Variants in MLLT10 observed in about 807,000 individuals in gnomAD.
MLLT10 encodes MLLT10 histone lysine methyltransferase DOT1L cofactor, also known as protein AF-10.
MLLT10 carries 30 observed loss-of-function variants against 129.1 expected under a neutral mutation model. The ratio of observed to expected loss-of-function variants is 0.23; its 90% CI spans 0.17 to 0.32. MLLT10 has a LOEUF of 0.32. Among genes scored for constraint, MLLT10 ranks in the 10% least tolerant of loss-of-function variants. The pLI is 1.00. For missense variants in MLLT10, 1,119 were observed against 1,268.3 expected (o/e 0.88, Z 1.79); for synonymous variants, 490 against 446.4 (o/e 1.10, Z -1.23).
At chr10:21,632,697 TC>T (rs1469100856) in intron 8 of MLLT10, among the ~76,000 whole-genome samples, 2 of 152,212 alleles carry the variant, frequency 1.3e-5, no homozygotes, top group African/African-American at 4.8e-5. Flanking sequence ...TTAAAACTTT[TC>T]TGCTCCTTTC....
chr10:21,627,597 G>A (rs1382391556), intron 8 of MLLT10, among the ~76,000 whole-genome samples: 1 of 152,080 alleles, frequency 6.6e-6, no homozygotes, highest in Non-Finnish European at 1.5e-5. Context: ...GTTATCTGAG[G>A]TATTGCCTTC....
chr10:21,704,329 T>TTCTCTCTCTC (rs1198146694), intron 13 of MLLT10, among the ~76,000 whole-genome samples: 216 of 121,030 alleles, frequency 1.8e-3, no homozygotes, highest in Non-Finnish European at 2.8e-3. Context: ...TCTTTTTAAA[T>TTCTCTCTCTC]TCTCTCTCTC....
intron 5 of MLLT10, among the ~76,000 whole-genome samples, chr10:21,610,669 T>TG (rs1289165084): frequency 1.3e-5 from 2 of 151,466 alleles, no homozygotes; most frequent in East Asian, 3.9e-4. Flanking sequence ...TTTTATGGGA[T>TG]GGTTAAGTAA....
intron 8 of MLLT10, among the ~76,000 whole-genome samples, chr10:21,640,013 C>T (rs1164243904): frequency 1.3e-5 from 2 of 151,538 alleles, no homozygotes; most frequent in Non-Finnish European, 2.9e-5. Context: ...GTTACTCTGC[C>T]GCTGTTCTGA....
chr10:21,688,611 C>G (rs2053527793), intron 13 of MLLT10: 1 of 1,301,758 alleles, frequency 7.7e-7, no homozygotes, highest in South Asian at 1.3e-5. Context: ...TGGAAACCTT[C>G]CCATACAAAC....
intron 8 of MLLT10, chr10:21,626,295 G>T (rs1364707567): frequency 3.1e-6 from 4 of 1,304,860 alleles, no homozygotes; most frequent in Non-Finnish European, 4.4e-6. Flanking sequence ...CCAGGGCAGA[G>T]CAGGGGCTGG....
chr10:21,535,405 T>C (rs2033775997), intron 2 of MLLT10, among the ~76,000 whole-genome samples: 1 of 152,080 alleles, frequency 6.6e-6, no homozygotes, highest in Admixed American at 6.5e-5. Context: ...GGTAGCTGTC[T>C]GCGGAGGAGA....
chr10:21,695,125 A>C (rs962853273), intron 13 of MLLT10, among the ~76,000 whole-genome samples: 1 of 139,606 alleles, frequency 7.2e-6, no homozygotes, highest in Non-Finnish European at 1.5e-5. Context: ...GCTGGAGTGC[A>C]GTGGTCTGAT....
chr10:21,647,937 T>G (rs2048659203), intron 8 of MLLT10, among the ~76,000 whole-genome samples: 1 of 152,124 alleles, frequency 6.6e-6, no homozygotes, highest in Non-Finnish European at 1.5e-5. Context: ...AGTCAGATAC[T>G]TTAAAAATAC....
chr10:21,698,489 A>G (rs1589700971), intron 13 of MLLT10, among the ~76,000 whole-genome samples: 1 of 152,308 alleles, frequency 6.6e-6, no homozygotes, highest in African/African-American at 2.4e-5. Context: ...ACTGAGGTTG[A>G]TTCCATATCT....
chr10:21,712,284 G>T (rs939746695), intron 13 of MLLT10, among the ~76,000 whole-genome samples: 14 of 151,780 alleles, frequency 9.2e-5, no homozygotes, highest in African/African-American at 3.4e-4. Context: ...TCACGGCATG[G>T]TTCACTACAA....
rs566112251 is a variant in MLLT10 at position 21,607,904 on chromosome 10, T to C, written c.406-4444T>C. ...CCTTTAGTATTTCTTTTTTGTCACA[T>C]CTGGAGCAAGAAAATCTCTAAATTT... On this transcript the variant is annotated intron_variant, in intron 5 of 22. Transcript: ENST00000307729. Among the ~76,000 whole-genome samples the C allele has an allele frequency of 3.6e-3, 554 of 152,244 alleles. 2 individuals are homozygous for C. Among genetic ancestry groups the C allele is most frequent in the Non-Finnish European group, 5.9e-3 (403 of 68,004 alleles).
At position 21,679,102 on chromosome 10, in the gene MLLT10, A is replaced by G. The variant is rs541851952; in HGVS notation, c.1622-2230A>G. 2.3e-3 allele frequency among the ~76,000 whole-genome samples: 355 copies of G among 152,364 alleles called. 1 individual carries two copies. Among genetic ancestry groups the G allele is most frequent in the African/African-American group, 8.4e-3 (351 of 41,580 alleles). ...AAAACACCTATAAAATGTTTGATTC[A>G]GAGTTCAGATTCTAAAATTTGTATT... On this transcript the variant is annotated intron_variant, in intron 11 of 22. Transcript: ENST00000307729.
intron 4 of MLLT10, among the ~76,000 whole-genome samples, chr10:21,586,808 A>G (rs2042028067): frequency 6.6e-6 from 1 of 151,904 alleles, no homozygotes; most frequent in African/African-American, 2.4e-5. Flanking sequence ...AATCGCTTGA[A>G]CTTGGGAGGC....
intron 3 of MLLT10, among the ~76,000 whole-genome samples, chr10:21,580,868 ATTTTTTTTTTT>A (rs71393910): frequency 1.4e-5 from 1 of 73,298 alleles, no homozygotes. Flanking sequence ...CGCCCAGCTC[ATTTTTTTTTTT>A]TTTTTTTTTT....
At chr10:21,664,199 T>C (rs1479025384) in intron 9 of MLLT10, among the ~76,000 whole-genome samples, 1 of 152,176 alleles carries the variant, frequency 6.6e-6, no homozygotes, top group Non-Finnish European at 1.5e-5. Flanking sequence ...TGATTTCTAA[T>C]TTAATATTTT....
At position 21,651,039 on chromosome 10, in the gene MLLT10, G is replaced by GTTGTTTTGTTTTGTT. The variant is rs57639142; in HGVS notation, c.700-598_700-584dup. On this transcript the variant is annotated intron_variant, in intron 8 of 22. Transcript: ENST00000307729. ...GTTCACAAAAGTATTTGGTGGTTGT[G>GTTGTTTTGTTTTGTT]TTGTTTTGTTTTGTTTTGTTTTGTT... Among the ~76,000 whole-genome samples, 475 of 148,540 alleles carry GTTGTTTTGTTTTGTT rather than the reference G, an allele frequency of 3.2e-3. 9 individuals carry two copies. The highest frequency in any genetic ancestry group is 4.9e-3 in the African/African-American group (197 of 40,044).
intron 11 of MLLT10, 107 bp from the exon 12 acceptor site, chr10:21,681,225 C>T: frequency 6.9e-7 from 1 of 1,446,866 alleles, no homozygotes; most frequent in Non-Finnish European, 9.5e-7. Context: ...GCCTACTTAA[C>T]TACACTTTTA....
chr10:21,619,365 A>T (rs1268671253), intron 8 of MLLT10, among the ~76,000 whole-genome samples: 2 of 152,202 alleles, frequency 1.3e-5, no homozygotes, highest in Non-Finnish European at 2.9e-5. Context: ...ATTATCTTGT[A>T]TAAAAAGCGC....
Sources: gnomAD v4.1 joint callset for allele counts (sites outside exome capture counted in the v4.1 genomes callset) on GRCh38, gnomAD v4.1.1 for gene constraint, MANE v1.5 for transcripts, NCBI Gene and HGNC (gene_info 2026-07-23, HGNC 2026-07-21) for gene names.